The following FREM1 variants were observed in gnomAD, a reference collection of about 807,000 sequenced individuals.
The protein encoded by FREM1 is FRAS1 related extracellular matrix 1, also known as FRAS1-related extracellular matrix protein 1.
A neutral mutation model predicts 210.1 loss-of-function variants in FREM1; 220 were observed. The observed-to-expected ratio is 1.05, with a 90% confidence interval of 0.94 to 1.17. FREM1 has a LOEUF of 1.17. Ranked by LOEUF, FREM1 falls within the 50% of genes most tolerant of loss-of-function variation. The pLI is 0.00. For missense variants in FREM1, 3,454 were observed against 2,675.5 expected, an observed-to-expected ratio of 1.29 and a Z score of -6.42; for synonymous variants, 1,189 against 980.2, an observed-to-expected ratio of 1.21 and a Z score of -3.98.
intron 20 of FREM1, among the ~76,000 whole-genome samples, chr9:14,801,111 C>T (rs987431405): frequency 6.6e-6 from 1 of 152,146 alleles, no homozygotes; most frequent in Non-Finnish European, 1.5e-5. Context: ...CGATTTCGTG[C>T]CTCAGCCTCC....
intron 1 of FREM1, among the ~76,000 whole-genome samples, chr9:14,909,406 A>C (rs79990114): frequency 6.6e-5 from 10 of 152,180 alleles, no homozygotes; most frequent in African/African-American, 2.2e-4. Flanking sequence ...CCCCAGCACT[A>C]TCTCTCTTCC....
intron 25 of FREM1, among the ~76,000 whole-genome samples, chr9:14,774,737 A>C (rs1381523465): frequency 6.6e-6 from 1 of 152,136 alleles, no homozygotes; most frequent in Non-Finnish European, 1.5e-5. Flanking sequence ...TGACTTAAAA[A>C]AGAAAAACAC....
intron 29 of FREM1, among the ~76,000 whole-genome samples, chr9:14,756,113 TG>T (rs1296969380): frequency 6.6e-6 from 1 of 152,226 alleles, no homozygotes; most frequent in Admixed American, 6.5e-5. Context: ...TGGATTGTCT[TG>T]GATGTTTGCT....
intron 1 of FREM1, among the ~76,000 whole-genome samples, chr9:14,888,285 G>C (rs1247070862): frequency 6.6e-6 from 1 of 152,134 alleles, no homozygotes; most frequent in Non-Finnish European, 1.5e-5. Context: ...ATCGCAATTA[G>C]AGCCTGGTTT....
intron 27 of FREM1, among the ~76,000 whole-genome samples, chr9:14,767,277 C>G (rs1846604031): frequency 6.6e-6 from 1 of 152,122 alleles, no homozygotes; most frequent in African/African-American, 2.4e-5. Flanking sequence ...ACTTTAAGGT[C>G]CTATATGAGT....
At chr9:14,842,768 G>A (rs896226729) in intron 8 of FREM1, 108 bp from the exon 9 acceptor site, 35 of 744,752 alleles carry the variant, frequency 4.7e-5, no homozygotes, top group Non-Finnish European at 6.6e-5. Context: ...TGTGCAGCCC[G>A]TATTTCCCTC....
intron 1 of FREM1, among the ~76,000 whole-genome samples, chr9:14,880,600 TCA>T (rs1491479687): frequency 0.011 from 1,043 of 93,798 alleles, 7 homozygotes; most frequent in Non-Finnish European, 0.015. Context: ...TGAGACTGTC[TCA>T]AAAAAAAAAA....
intron 27 of FREM1, among the ~76,000 whole-genome samples, chr9:14,762,893 C>A (rs1845758647): frequency 6.6e-6 from 1 of 151,868 alleles, no homozygotes; most frequent in Non-Finnish European, 1.5e-5. Flanking sequence ...ATTTTGCCTG[C>A]AAGAAGCCAC....
At chr9:14,817,310 G>A (rs1405661955) in intron 14 of FREM1, among the ~76,000 whole-genome samples, 2 of 152,162 alleles carry the variant, frequency 1.3e-5, no homozygotes, top group Non-Finnish European at 2.9e-5. Context: ...TTCCGCCTGT[G>A]CTCTGGATCT....
intron 29 of FREM1, among the ~76,000 whole-genome samples, chr9:14,751,030 C>T (rs1843275076): frequency 6.6e-6 from 1 of 152,088 alleles, no homozygotes; most frequent in Admixed American, 6.6e-5. Context: ...ACAAAGCAAC[C>T]CCAGATACAC....
intron 3 of FREM1, among the ~76,000 whole-genome samples, chr9:14,860,250 G>A (rs28413927): frequency 0.069 from 10,473 of 151,950 alleles, 1,118 homozygotes; most frequent in African/African-American, 0.23. Flanking sequence ...CAGGCATAAC[G>A]GGCTCAGGTA....
chr9:14,800,025 A>G (rs567025909), intron 20 of FREM1, among the ~76,000 whole-genome samples: 1 of 145,546 alleles, frequency 6.9e-6, no homozygotes, highest in Non-Finnish European at 1.5e-5. Flanking sequence ...TCAATTCCCA[A>G]CTATGAGTGA....
chr9:14,877,176 G>A lies in FREM1; in HGVS notation c.-267-7932C>T, dbSNP rs534641154. Reference sequence around the variant, plus strand: ...CATTCCTTAGTGATCTCATTCCTTGGCCTTAAATACCACCTATGTGCTAAT... The same window carrying A: ...CATTCCTTAGTGATCTCATTCCTTGACCTTAAATACCACCTATGTGCTAAT... On this transcript the variant is annotated intron_variant, in intron 1 of 36. Transcript: ENST00000380880. 7.3e-4 allele frequency among the ~76,000 whole-genome samples: 111 copies of A among 151,984 alleles called. 1 individual carries two copies. Among genetic ancestry groups the A allele is most frequent in the African/African-American group, 2.4e-3 (100 of 41,412 alleles).
At chr9:14,907,333 A>T (rs1169407275) in intron 1 of FREM1, among the ~76,000 whole-genome samples, 1 of 152,208 alleles carries the variant, frequency 6.6e-6, no homozygotes, top group Admixed American at 6.5e-5. Context: ...AATATAGTAT[A>T]GACAGTATTT....
intron 27 of FREM1, among the ~76,000 whole-genome samples, chr9:14,766,368 G>A (rs1032961087): frequency 1.3e-5 from 2 of 152,156 alleles, no homozygotes; most frequent in Admixed American, 6.5e-5. Flanking sequence ...TATTCTGCCT[G>A]TGTGTGGGGT....
At chr9:14,907,528 C>T (rs887981695) in intron 1 of FREM1, among the ~76,000 whole-genome samples, 3 of 152,148 alleles carry the variant, frequency 2.0e-5, no homozygotes, top group Non-Finnish European at 4.4e-5. Context: ...AAAGGAGTAG[C>T]GACATCAGAT....
In FREM1 at chr9:14,861,291, A is replaced by G. The variant is rs1299883725; in HGVS notation, c.330-1807T>C. ...TACACATATATACATATATACATAT[A>G]TACATATATACACATATATACATAT... On this transcript the variant is annotated intron_variant, in intron 3 of 36. Transcript: ENST00000380880. Among the ~76,000 whole-genome samples, 709 of 82,758 alleles carry G rather than the reference A, an allele frequency of 8.6e-3. 73 individuals carry two copies. The East Asian group carries it at 0.086, about 10-fold the overall frequency. The allele number at this position is 82,758 out of a possible 152,430, so 54.3% of individuals were successfully genotyped here.
intron 20 of FREM1, among the ~76,000 whole-genome samples, chr9:14,797,882 G>T (rs9886892): frequency 0.19 from 28,855 of 152,058 alleles, 3,058 homozygotes; most frequent in South Asian, 0.26. Flanking sequence ...AGTTAGGAAA[G>T]AATATATTTT....
intron 14 of FREM1, among the ~76,000 whole-genome samples, chr9:14,818,935 A>G (rs2818930): frequency 0.1 from 15,929 of 152,190 alleles, 1,452 homozygotes; most frequent in East Asian, 0.49. Flanking sequence ...TAGTTTGACT[A>G]TTACCTCCTG....
Sources: allele counts gnomAD v4.1 joint callset (sites outside exome capture counted in the v4.1 genomes callset), GRCh38; gene constraint gnomAD v4.1.1; transcripts MANE v1.5; gene names NCBI Gene and HGNC (gene_info 2026-07-23, HGNC 2026-07-21).